The following FCHSD2 variants were observed in gnomAD, a reference collection of about 807,000 sequenced individuals.
FCHSD2 encodes the protein FCH and double SH3 domains 2, also known as F-BAR and double SH3 domains protein 2.
A neutral mutation model predicts 108.1 loss-of-function variants in FCHSD2; 38 were observed. The observed-to-expected ratio is 0.35, with a 90% CI of 0.27 to 0.46. The LOEUF (loss-of-function observed/expected upper bound fraction) is 0.46. FCHSD2 is among the 20% of genes least tolerant of loss of function. The pLI, the probability that FCHSD2 is intolerant of heterozygous loss-of-function variation, is 1.00. For synonymous variants in FCHSD2, 279 were observed against 314.7 expected, an observed-to-expected ratio of 0.89 and a Z score of 1.20; for missense variants, 751 against 897.8, an observed-to-expected ratio of 0.84 and a Z score of 2.09.
chr11:73,030,362 T>TA (rs1046600188), intron 3 of FCHSD2, among the ~76,000 whole-genome samples: 2 of 151,568 alleles, frequency 1.3e-5, no homozygotes, highest in South Asian at 2.1e-4. Context: ...TTATACTAAA[T>TA]AAAAAAAACA....
intron 3 of FCHSD2, among the ~76,000 whole-genome samples, chr11:73,021,890 G>A (rs549512977): frequency 2.0e-5 from 3 of 152,146 alleles, no homozygotes; most frequent in Admixed American, 1.3e-4. Flanking sequence ...GGCAACACAA[G>A]GAGACCCCTG....
chr11:73,092,105 A>T (rs985161157), intron 2 of FCHSD2, among the ~76,000 whole-genome samples: 1 of 152,032 alleles, frequency 6.6e-6, no homozygotes, highest in African/African-American at 2.4e-5. Context: ...CTTGTGATTC[A>T]GATACACCTC....
At position 72,874,764 on chromosome 11, in the gene FCHSD2, C is replaced by T. The variant is rs1286669438; in HGVS notation, c.1147-6738G>A. The stretch of plus-strand genomic sequence containing the variant: ...CCCAGAATTAAACACTGCTATCTTC[C>T]CTTTAGGATTTCAGTTGCTTATAAG... On this transcript the variant is annotated intron_variant, in intron 12 of 19. Transcript: ENST00000409418. Among the ~76,000 whole-genome samples the T allele has an allele frequency of 3.3e-5, 5 of 152,090 alleles. No homozygotes were observed. The East Asian group carries it at 9.6e-4, about 29-fold the overall frequency.
chr11:72,960,172 G>A (rs530185133), intron 8 of FCHSD2, among the ~76,000 whole-genome samples: 1 of 152,210 alleles, frequency 6.6e-6, no homozygotes, highest in South Asian at 2.1e-4. Flanking sequence ...AGTGGAAGGC[G>A]AAGGCAGAGC....
chr11:72,883,620 C>T (rs1225268696), intron 12 of FCHSD2, among the ~76,000 whole-genome samples: 1 of 152,166 alleles, frequency 6.6e-6, no homozygotes, highest in African/African-American at 2.4e-5. Context: ...TACACACATA[C>T]TCAAATGGCT....
chr11:72,924,898 T>C (rs141731947), intron 8 of FCHSD2, among the ~76,000 whole-genome samples: 2 of 152,290 alleles, frequency 1.3e-5, no homozygotes, highest in Admixed American at 6.5e-5. Context: ...GGACATACTT[T>C]TCCTGAACTT....
chr11:72,887,761 C>A (rs1326365468), intron 11 of FCHSD2, among the ~76,000 whole-genome samples, 187 bp from the exon 12 acceptor site: 1 of 152,132 alleles, frequency 6.6e-6, no homozygotes, highest in African/African-American at 2.4e-5. Context: ...TACAGACAGT[C>A]CCTTCAGTGG....
intron 3 of FCHSD2, among the ~76,000 whole-genome samples, chr11:73,079,507 A>G (rs1471963705): frequency 6.6e-6 from 1 of 152,028 alleles, no homozygotes; most frequent in Non-Finnish European, 1.5e-5. Flanking sequence ...CTAGAAGTAA[A>G]TAATTTAAAT....
chr11:72,914,525 C>G (rs979491887), intron 9 of FCHSD2, among the ~76,000 whole-genome samples: 2 of 152,102 alleles, frequency 1.3e-5, no homozygotes, highest in African/African-American at 4.8e-5. Context: ...CAGCATGGTA[C>G]TAGTACAACA....
intron 4 of FCHSD2, among the ~76,000 whole-genome samples, chr11:73,011,706 C>A (rs916017880): frequency 6.6e-6 from 1 of 152,174 alleles, no homozygotes; most frequent in African/African-American, 2.4e-5. Context: ...GGTTGAAGGG[C>A]TCTTCCATGG....
At chr11:72,942,600 A>C (rs1007300753) in intron 8 of FCHSD2, among the ~76,000 whole-genome samples, 1 of 152,200 alleles carries the variant, frequency 6.6e-6, no homozygotes, top group Admixed American at 6.5e-5. Flanking sequence ...ATTTTAATTT[A>C]TCTTTAGGTT....
chr11:72,861,091 G>A (rs980336656), intron 13 of FCHSD2, among the ~76,000 whole-genome samples: 3 of 151,334 alleles, frequency 2.0e-5, no homozygotes, highest in African/African-American at 7.3e-5. Context: ...GAAAAACGAG[G>A]GAAAAATCAA....
Position 72,896,586 on chromosome 11 carries a change from G to A in FCHSD2, c.924+5957C>T, listed in dbSNP as rs533264556. On this transcript the variant is annotated intron_variant, in intron 10 of 19. Transcript: ENST00000409418. ...ACAAACTGCCAAGAAGGCCGTTGATGAGATCCTCTTTGTGGAATAAGTAGA... is the reference window on the plus strand; with the variant it reads ...ACAAACTGCCAAGAAGGCCGTTGATAAGATCCTCTTTGTGGAATAAGTAGA... 2.0e-5 allele frequency among the ~76,000 whole-genome samples: 3 copies of A among 152,072 alleles called. No homozygotes were observed. In the South Asian group the frequency reaches 6.2e-4, roughly 32 times the overall value.
intron 8 of FCHSD2, among the ~76,000 whole-genome samples, chr11:72,925,674 C>T (rs2135317267): frequency 6.6e-6 from 1 of 152,318 alleles, no homozygotes; most frequent in Admixed American, 6.5e-5. Flanking sequence ...CCAGGGTCCA[C>T]CAGTAGACAC....
At chr11:72,917,119 G>A (rs2135304199) in intron 9 of FCHSD2, among the ~76,000 whole-genome samples, 1 of 152,036 alleles carries the variant, frequency 6.6e-6, no homozygotes, top group African/African-American at 2.4e-5. Context: ...CAAGCAGCTG[G>A]GACTACAGGC....
chr11:72,978,198 T>G (rs1857143729), intron 8 of FCHSD2, among the ~76,000 whole-genome samples: 2 of 152,054 alleles, frequency 1.3e-5, no homozygotes, highest in South Asian at 4.2e-4. Flanking sequence ...CGTTAGGAGA[T>G]ATACCTAATG....
rs147891651 is a variant in FCHSD2, at chr11:73,130,038, G to A, written c.119+9993C>T. ...TGGGACTCCAGGCACCCGCCACCAC[G>A]CCCAGCTAATTTTTTTTAGTAGAGA... On this transcript the variant is annotated intron_variant, in intron 2 of 19. Transcript: ENST00000409418. Among the ~76,000 whole-genome samples, 989 of 151,612 alleles carry A rather than the reference G, an allele frequency of 6.5e-3. 3 individuals are homozygous for A. Among genetic ancestry groups the A allele is most frequent in the Admixed American group, 0.012 (189 of 15,222 alleles).
chr11:73,112,867 T>C (rs778864857), intron 2 of FCHSD2, among the ~76,000 whole-genome samples: 3 of 152,224 alleles, frequency 2.0e-5, no homozygotes, highest in Non-Finnish European at 2.9e-5. Context: ...GGTTTCACCA[T>C]GTTAGCCAAG....
chr11:73,123,451 A>C (rs1177163573), intron 2 of FCHSD2, among the ~76,000 whole-genome samples: 1 of 152,210 alleles, frequency 6.6e-6, no homozygotes, highest in Non-Finnish European at 1.5e-5. Flanking sequence ...GGCTTTTTAT[A>C]TATGCGCAGG....
Sources: allele counts gnomAD v4.1 joint callset (sites outside exome capture counted in the v4.1 genomes callset), GRCh38; gene constraint gnomAD v4.1.1; transcripts MANE v1.5; gene names NCBI Gene and HGNC (gene_info 2026-07-23, HGNC 2026-07-21).